TANGO6: variants seen among roughly 807,000 people sequenced by gnomAD.
TANGO6 encodes transport and golgi organization 6 homolog.
A neutral mutation model predicts 114.2 loss-of-function variants in TANGO6; 90 were observed. That is an observed-to-expected ratio of 0.79 (90% CI 0.66 to 0.94). The LOEUF (loss-of-function observed/expected upper bound fraction) is 0.94. Ranked by LOEUF, TANGO6 falls within the 40% of genes least tolerant of loss-of-function variation. The pLI is 0.00. For synonymous variants in TANGO6, 477 were observed against 509.8 expected, an observed-to-expected ratio of 0.94 and a Z score of 0.87; for missense variants, 1,274 against 1,315.3, an observed-to-expected ratio of 0.97 and a Z score of 0.49.
At chr16:69,042,416 A>G (rs535482571) in intron 17 of TANGO6, among the ~76,000 whole-genome samples, 1 of 152,262 alleles carries the variant, frequency 6.6e-6, no homozygotes, top group South Asian at 2.1e-4. Context: ...GCGTGGTGGC[A>G]GGCACCTGTA....
chr16:68,866,324 CTT>C (rs2152161199), intron 3 of TANGO6, among the ~76,000 whole-genome samples: 1 of 151,894 alleles, frequency 6.6e-6, no homozygotes, highest in East Asian at 1.9e-4. Context: ...TGACTCAGGA[CTT>C]TTAAAAAATA....
rs151234531 is a variant in TANGO6 at position 68,860,320 on chromosome 16, C to T, written c.531C>T (p.Ala177=). 1.1e-5 allele frequency: 18 copies of T among 1,613,918 alleles called. No individual in the cohort carries two copies. Among genetic ancestry groups the T allele is most frequent in the Middle Eastern group, 1.6e-4 (1 of 6,062 alleles). ...VPLRYRTEFG[A]VVQDVVCFDA... ...TGAGATATAGAACTGAATTTGGTGC[C>T]GTCGTTCAAGACGTGGTGTGTTTTG... Residue 177 remains alanine (A), a synonymous_variant, in exon 2 of 18, where the codon GCC becomes GCT. Coordinates refer to ENST00000261778, the MANE Select transcript of TANGO6 (RefSeq NM_024562.2).
chr16:68,911,084 ATAAAG>A (rs1443432927), intron 11 of TANGO6, among the ~76,000 whole-genome samples: 1 of 152,180 alleles, frequency 6.6e-6, no homozygotes, highest in Non-Finnish European at 1.5e-5. Flanking sequence ...AAAAAGAGGT[ATAAAG>A]TAAAGAACCA....
chr16:69,032,633 C>G (rs1959615036), intron 16 of TANGO6, among the ~76,000 whole-genome samples: 1 of 152,040 alleles, frequency 6.6e-6, no homozygotes, highest in African/African-American at 2.4e-5. Flanking sequence ...AATCCCAGCC[C>G]TTTGGGAGGC....
chr16:68,929,533 T>C (rs887165756), intron 13 of TANGO6, among the ~76,000 whole-genome samples: 3 of 152,186 alleles, frequency 2.0e-5, no homozygotes, highest in South Asian at 2.1e-4. Flanking sequence ...ATGTCAAGAA[T>C]TACTGTGCCA....
chr16:69,047,228 C>T (rs1959876527), intron 17 of TANGO6, among the ~76,000 whole-genome samples: 1 of 149,766 alleles, frequency 6.7e-6, no homozygotes, highest in African/African-American at 2.5e-5. Flanking sequence ...CGGTGTCTCA[C>T]AACTATAATC....
intron 16 of TANGO6, among the ~76,000 whole-genome samples, chr16:69,030,529 T>TG (rs1422524655): frequency 1.3e-5 from 2 of 150,148 alleles, no homozygotes; most frequent in African/African-American, 2.5e-5. Context: ...AGTAAAGGGG[T>TG]GGGGGGTTAG....
chr16:68,984,777 C>T (rs1394964069), intron 15 of TANGO6, among the ~76,000 whole-genome samples: 1 of 152,064 alleles, frequency 6.6e-6, no homozygotes, highest in Non-Finnish European at 1.5e-5. Flanking sequence ...CTGTGTCAGC[C>T]TCTCAAAGTG....
intron 5 of TANGO6, among the ~76,000 whole-genome samples, chr16:68,876,870 A>G (rs1285854949): frequency 2.0e-5 from 3 of 152,080 alleles, no homozygotes; most frequent in African/African-American, 4.8e-5. Flanking sequence ...CATTTCATTC[A>G]TTTTCATGGG....
At chr16:68,898,639 C>T (rs79741758) in intron 7 of TANGO6, among the ~76,000 whole-genome samples, 12,634 of 152,040 alleles carry the variant, frequency 0.083, 536 homozygotes, top group Middle Eastern at 0.1. Flanking sequence ...CACACTGGGC[C>T]GCTTTCACCC....
intron 15 of TANGO6, among the ~76,000 whole-genome samples, chr16:68,994,368 C>CA (rs1262597347): frequency 6.6e-6 from 1 of 152,064 alleles, no homozygotes; most frequent in Non-Finnish European, 1.5e-5. Context: ...TCACTTACCT[C>CA]TTTTTTTCTT....
At chr16:68,911,979 C>G (rs2152187309) in intron 11 of TANGO6, among the ~76,000 whole-genome samples, 1 of 152,178 alleles carries the variant, frequency 6.6e-6, no homozygotes, top group East Asian at 1.9e-4. Context: ...TGAAGTACAT[C>G]AAAGATATAA....
intron 9 of TANGO6, among the ~76,000 whole-genome samples, chr16:68,906,692 C>A (rs1356014500): frequency 6.6e-6 from 1 of 152,060 alleles, no homozygotes; most frequent in Non-Finnish European, 1.5e-5. Flanking sequence ...CAAGCAGTCT[C>A]CCTGCCTCAG....
At position 69,004,657 on chromosome 16, in the gene TANGO6, A is replaced by G. The variant is rs746205014; in HGVS notation, c.2843-18171A>G. Among the ~76,000 whole-genome samples, 9 of 152,264 alleles carry G rather than the reference A, an allele frequency of 5.9e-5. No individual in the cohort carries two copies. The East Asian group carries it at 1.2e-3, about 20-fold the overall frequency. On this transcript the variant is annotated intron_variant, in intron 15 of 17. Transcript: ENST00000261778. ...GCAAGAGCCACTGTACCCAGCCCCA[A>G]ATTATTTCTCTGACAAAATCGGGAC... is the stretch of plus-strand genomic sequence containing the variant.
At chr16:68,913,699 G>A (rs1273196594) in intron 11 of TANGO6, among the ~76,000 whole-genome samples, 1 of 151,774 alleles carries the variant, frequency 6.6e-6, no homozygotes, top group African/African-American at 2.4e-5. Context: ...GTAAGCCACT[G>A]TGCCCAGCCT....
At chr16:69,075,690 G>A (rs1347298480) in intron 17 of TANGO6, among the ~76,000 whole-genome samples, 4 of 151,290 alleles carry the variant, frequency 2.6e-5, no homozygotes, top group African/African-American at 7.3e-5. Context: ...CTGGGGTCAG[G>A]CAATCCTCCT....
intron 14 of TANGO6, among the ~76,000 whole-genome samples, chr16:68,935,499 G>A (rs1303811585): frequency 6.6e-6 from 1 of 152,102 alleles, no homozygotes; most frequent in East Asian, 1.9e-4. Flanking sequence ...ACAGCAATCT[G>A]AGAACTCAAT....
rs1273321845 is a variant in TANGO6, at chr16:68,843,744, C to T, written c.94+33C>T. ...GACGCATCTCCGCGCCGGGCTGGAC[C>T]CGGGACTCTCAGGGCCGCCCGGCTT... On this transcript the variant is annotated intron_variant, in intron 1 of 17. Transcript: ENST00000261778. The T allele has an allele frequency of 5.0e-6, 8 of 1,607,492 alleles. No homozygotes were observed. In the African/African-American group the frequency reaches 8.0e-5, roughly 16 times the overall value.
At chr16:68,991,793 C>G (rs1963948122) in intron 15 of TANGO6, among the ~76,000 whole-genome samples, 1 of 152,040 alleles carries the variant, frequency 6.6e-6, no homozygotes, top group African/African-American at 2.4e-5. Context: ...CCACTGCACT[C>G]CAGCCCGGGT....
Sources: gnomAD v4.1 joint callset for allele counts (sites outside exome capture counted in the v4.1 genomes callset) on GRCh38, gnomAD v4.1.1 for gene constraint, MANE v1.5 for transcripts, NCBI Gene and HGNC (gene_info 2026-07-23, HGNC 2026-07-21) for gene names.